Variants in SLC24A1 observed in about 807,000 individuals in gnomAD.
The protein encoded by SLC24A1 is solute carrier family 24 member 1.
Under a neutral mutation model 88.1 loss-of-function variants are expected in SLC24A1, and 52 were observed. The ratio of observed to expected loss-of-function variants is 0.59; its 90% CI spans 0.47 to 0.74. The LOEUF is 0.74. Among genes scored for constraint, SLC24A1 ranks in the 30% least tolerant of loss-of-function variants. The pLI is 0.00. For synonymous variants in SLC24A1, 455 were observed against 498.0 expected (o/e 0.91, Z 1.15); for missense variants, 1,173 against 1,363.3 (o/e 0.86, Z 2.20).
intron 9 of SLC24A1, chr15:65,653,060 T>G (rs1336421567): frequency 9.1e-6 from 3 of 329,394 alleles, no homozygotes; most frequent in African/African-American, 6.4e-5. Context: ...TCCATTTCAT[T>G]CCATTACCAA....
Position 65,655,804 on chromosome 15 carries a change from TCA to T in SLC24A1, c.*1726_*1727del. 4.1e-6 allele frequency: 4 copies of T among 985,074 alleles called. No individual in the cohort carries two copies. The highest frequency in any genetic ancestry group is 4.8e-6 in the Non-Finnish European group (4 of 829,596). The allele number at this position is 985,074 out of a possible 1,614,324, so 61.0% of individuals were successfully genotyped here. A position where few individuals can be genotyped will look rare whatever the true frequency, so the allele number is the denominator to read the frequency against. ...TAATTGCCTCGCTACCCCAGGATTC[TCA>T]TTCTTTGGAAATAATTTTTATTAAA... On this transcript the variant is annotated 3_prime_UTR_variant, in exon 10 of 10. Coordinates refer to ENST00000261892, the MANE Select transcript of SLC24A1 (RefSeq NM_004727.3).
At chr15:65,649,112 T>G (rs1193957846) in intron 6 of SLC24A1, among the ~76,000 whole-genome samples, 1 of 152,134 alleles carries the variant, frequency 6.6e-6, no homozygotes, top group African/African-American at 2.4e-5. Flanking sequence ...TGTATTTCTT[T>G]TTTCTCTTTG....
intron 4 of SLC24A1, among the ~76,000 whole-genome samples, chr15:65,641,184 G>A (rs1003728152): frequency 1.3e-5 from 2 of 152,026 alleles, no homozygotes; most frequent in African/African-American, 4.8e-5. Flanking sequence ...AGCATCCTGG[G>A]CAACATGGTG....
At chr15:65,633,114 T>G (rs1207726649) in intron 2 of SLC24A1, among the ~76,000 whole-genome samples, 1 of 152,090 alleles carries the variant, frequency 6.6e-6, no homozygotes, top group Non-Finnish European at 1.5e-5. Context: ...ATACAAGGGC[T>G]AGGGAGTCTC....
Position 65,644,491 on chromosome 15 carries a change from C to G in SLC24A1, c.2118C>G (p.Ala706=). 1 of 1,592,484 alleles carries G rather than the reference C, an allele frequency of 6.3e-7. No homozygotes were observed. The highest frequency in any genetic ancestry group is 8.6e-7 in the Non-Finnish European group (1 of 1,169,578). ...AAGGGGCCAGAGCCCAACCCCAGGC[C>G]AAAGCAGAAAGCAAACCAGAAGGTG... ...LNQGARAQPQ[A]KAESKPEEEE... Residue 706 remains alanine (A), a synonymous_variant, in exon 5 of 10, where the codon GCC becomes GCG. Transcript: ENST00000261892.
upstream of SLC24A1, among the ~76,000 whole-genome samples, chr15:65,618,061 A>T (rs1191155311): frequency 6.6e-6 from 1 of 152,202 alleles, no homozygotes; most frequent in East Asian, 1.9e-4. Context: ...CTTTCCTAGA[A>T]GCAACCATAC....
chr15:65,642,724 A>G (rs1224059496), intron 4 of SLC24A1, among the ~76,000 whole-genome samples: 2 of 152,204 alleles, frequency 1.3e-5, no homozygotes, highest in Non-Finnish European at 2.9e-5. Context: ...CACATGTCAT[A>G]GTGGCTCTAC....
At chr15:65,659,606 TGG>T, downstream of SLC24A1, 1 of 152,410 alleles carries the variant, frequency 6.6e-6, no homozygotes, top group Admixed American at 6.5e-5. Flanking sequence ...CCCAAAGTGC[TGG>T]GATTACAGGC....
intron 2 of SLC24A1, among the ~76,000 whole-genome samples, chr15:65,634,261 G>A (rs1021034924): frequency 1.3e-5 from 2 of 152,166 alleles, no homozygotes; most frequent in Admixed American, 6.5e-5. Flanking sequence ...GTTATGGATG[G>A]TTGAGAAGAG....
chr15:65,630,823 T>G (rs925469054), intron 2 of SLC24A1, among the ~76,000 whole-genome samples: 11 of 151,980 alleles, frequency 7.2e-5, no homozygotes, highest in Admixed American at 5.9e-4. Context: ...ATACAAAAAT[T>G]TGCCAGGCGT....
chr15:65,657,982 G>A (rs1463816896), downstream of SLC24A1: 1 of 152,062 alleles, frequency 6.6e-6, no homozygotes, highest in Admixed American at 6.6e-5. Flanking sequence ...TTTTATCATA[G>A]TACTACATTT....
rs758423736 is a variant in SLC24A1, at chr15:65,625,640, C to T, written c.1560C>T (p.His520=). Residue 520 remains histidine (H), a synonymous_variant, in exon 2 of 10, where the codon CAC becomes CAT. Transcript: ENST00000261892. The part of the protein sequence containing the change: ...FTSLIGVFIS[H]SNVGIGTIVG... ...CCCTCATCGGTGTCTTCATTTCCCA[C>T]AGCAACGTGGGCATTGGTACCATTG... The T allele has an allele frequency of 1.2e-6, 2 of 1,614,050 alleles. No individual in the cohort carries two copies. The highest frequency in any genetic ancestry group is 1.7e-5 in the Admixed American group (1 of 60,032).
At chr15:65,629,282 T>C (rs1566951357) in intron 2 of SLC24A1, among the ~76,000 whole-genome samples, 1 of 152,216 alleles carries the variant, frequency 6.6e-6, no homozygotes, top group Non-Finnish European at 1.5e-5. Flanking sequence ...AGGATAATGG[T>C]GTTTTAGGAG....
rs377401331 is a variant in SLC24A1 at position 65,655,607 on chromosome 15, G to A, written c.*1528G>A. The stretch of plus-strand genomic sequence containing the variant: ...ACTGGCTTCAGAGCAAAATGAGCTC[G>A]GGTGACTGCAGATTATGATGGTAAA... On this transcript the variant is annotated 3_prime_UTR_variant, in exon 10 of 10. Coordinates refer to ENST00000261892, the MANE Select transcript of SLC24A1 (RefSeq NM_004727.3). The A allele has an allele frequency of 2.7e-5, 27 of 985,136 alleles. No homozygotes were observed. The highest frequency in any genetic ancestry group is 1.1e-4 in the East Asian group (1 of 8,828). The allele number at this position is 985,136 out of a possible 1,614,324, so 61.0% of individuals were successfully genotyped here.
At chr15:65,631,939 C>T (rs1261766387) in intron 2 of SLC24A1, among the ~76,000 whole-genome samples, 2 of 152,178 alleles carry the variant, frequency 1.3e-5, no homozygotes, top group Non-Finnish European at 2.9e-5. Context: ...TCAAGTGATT[C>T]TCCTGCCTCA....
chr15:65,630,205 G>T (rs2074666850), intron 2 of SLC24A1, among the ~76,000 whole-genome samples: 1 of 152,128 alleles, frequency 6.6e-6, no homozygotes, highest in Non-Finnish European at 1.5e-5. Flanking sequence ...ACTCAGGCTG[G>T]TCTCAAACTC....
At chr15:65,647,827 G>A (rs2075356814) in intron 6 of SLC24A1, among the ~76,000 whole-genome samples, 1 of 152,166 alleles carries the variant, frequency 6.6e-6, no homozygotes, top group African/African-American at 2.4e-5. Context: ...CTCATCAGTA[G>A]TATTTGTTGT....
intron 2 of SLC24A1, among the ~76,000 whole-genome samples, chr15:65,633,533 A>G (rs62013135): frequency 0.082 from 12,416 of 152,010 alleles, 646 homozygotes; most frequent in African/African-American, 0.16. Context: ...GGTGGCAGGC[A>G]CCTGTAATCC....
chr15:65,641,284 T>C (rs144999776), intron 4 of SLC24A1, among the ~76,000 whole-genome samples: 9,615 of 152,108 alleles, frequency 0.063, 318 homozygotes, highest in African/African-American at 0.092. Context: ...CGCTTGAACC[T>C]GGGAGGCAGA....
Sources: gnomAD v4.1 joint callset for allele counts (sites outside exome capture counted in the v4.1 genomes callset) on GRCh38, gnomAD v4.1.1 for gene constraint, MANE v1.5 for transcripts, NCBI Gene and HGNC (gene_info 2026-07-23, HGNC 2026-07-21) for gene names.